The following MAP3K15 variants were observed in gnomAD, a reference collection of about 807,000 sequenced individuals.
The protein encoded by MAP3K15 is MAPK/ERK kinase kinase 15.
Under a neutral mutation model 99.5 loss-of-function variants are expected in MAP3K15, and 124 were observed. The observed-to-expected ratio is 1.25, with a 90% confidence interval of 1.08 to 1.45. MAP3K15 has a LOEUF of 1.45. Ranked by LOEUF, MAP3K15 falls within the 40% of genes most tolerant of loss-of-function variation. The pLI is 0.00. For synonymous variants in MAP3K15, 494 were observed against 439.6 expected (o/e 1.12, Z -1.55); for missense variants, 1,242 against 1,079.7 (o/e 1.15, Z -2.11).
At chrX:19,384,781 C>G (rs1388366528) in intron 18 of MAP3K15, among the ~76,000 whole-genome samples, 1 of 61,696 alleles carries the variant, frequency 1.6e-5, no homozygotes, top group African/African-American at 5.4e-5. Flanking sequence ...AAAAAAAAAA[C>G]TGTACATTTT....
rs753516995 is a variant in MAP3K15, at chrX:19,361,339, C to T, written c.3857G>A (p.Arg1286Gln). Reference protein sequence around the residue: ...TKEDLRYLRLRGGLLCRLWSA... With the variant: ...TKEDLRYLRLQGGLLCRLWSA... Reference sequence around the variant, plus strand: ...ATACAAACTGTTTTGAGGCTCTTACCGTAGTCGAAGGTATCTTAGATCTTC... The same window carrying T: ...ATACAAACTGTTTTGAGGCTCTTACTGTAGTCGAAGGTATCTTAGATCTTC... The change falls in exon 28 of 29, where the codon CGG (arginine) becomes CAG (glutamine). Residue 1286 changes from arginine to glutamine, a missense_variant and splice_region_variant. Arg to Gln is a conservative substitution (Grantham distance 43). Coordinates refer to ENST00000338883, the MANE Select transcript of MAP3K15 (RefSeq NM_001001671.4). The T allele has an allele frequency of 2.9e-5, 35 of 1,196,087 alleles. No individual in the cohort carries two copies. In the South Asian group the frequency reaches 6.1e-4, roughly 21 times the overall value.
chrX:19,474,334 C>T (rs916122136), intron 3 of MAP3K15, among the ~76,000 whole-genome samples: 1 of 110,961 alleles, frequency 9.0e-6, no homozygotes, highest in African/African-American at 3.3e-5. Context: ...CAGCTCCATC[C>T]CATCCTAAAT....
intron 6 of MAP3K15, among the ~76,000 whole-genome samples, chrX:19,449,520 G>T (rs1312791815): frequency 9.2e-6 from 1 of 108,658 alleles, no homozygotes; most frequent in Non-Finnish European, 1.9e-5. Flanking sequence ...TGTTACATTG[G>T]GTGAGGTGCG....
At chrX:19,500,202 G>A (rs923256640) in intron 1 of MAP3K15, among the ~76,000 whole-genome samples, 10 of 111,675 alleles carry the variant, frequency 9.0e-5, no homozygotes, top group Admixed American at 2.9e-4. Context: ...AGCCGAGATC[G>A]CGCCACTGCA....
chrX:19,441,795 A>T (rs1395177058), intron 6 of MAP3K15, among the ~76,000 whole-genome samples: 2 of 111,688 alleles, frequency 1.8e-5, no homozygotes, highest in African/African-American at 6.5e-5. Flanking sequence ...ATTACATCTC[A>T]GCAAAGCTGT....
chrX:19,400,313 A>C (rs1269845314), intron 14 of MAP3K15, among the ~76,000 whole-genome samples: 2 of 112,078 alleles, frequency 1.8e-5, no homozygotes, highest in Non-Finnish European at 3.8e-5. Flanking sequence ...CCTAGAGAAA[A>C]CTTTCATAGG....
rs6633243 is a variant in MAP3K15 at position 19,384,974 on chromosome X, G to A, written c.2432-4697C>T. Among the ~76,000 whole-genome samples the A allele has an allele frequency of 4.5e-5, 5 of 110,739 alleles. No homozygotes were observed. In the East Asian group the frequency reaches 8.5e-4, roughly 19 times the overall value. On this transcript the variant is annotated intron_variant, in intron 18 of 28. Coordinates refer to ENST00000338883, the MANE Select transcript of MAP3K15 (RefSeq NM_001001671.4). ...CACAAAAGTTAAAAATAAATTTGCA[G>A]ATTTTTAAAAATATGGAGCCATGGT... is the stretch of plus-strand genomic sequence containing the variant.
At chrX:19,437,673 T>A (rs971013412) in intron 6 of MAP3K15, among the ~76,000 whole-genome samples, 2 of 112,015 alleles carry the variant, frequency 1.8e-5, no homozygotes, top group African/African-American at 6.5e-5. Context: ...ACATTTAGGT[T>A]TTTTTTATTC....
chrX:19,457,015 T>C lies in MAP3K15; in HGVS notation c.893A>G (p.Tyr298Cys), dbSNP rs1375430459. 1 of 1,186,733 alleles carries C rather than the reference T, an allele frequency of 8.4e-7. No homozygotes were observed. Among genetic ancestry groups the C allele is most frequent in the Non-Finnish European group, 1.1e-6 (1 of 883,493 alleles). The change falls in exon 6 of 29, where the codon TAT becomes TGT. Residue 298 changes from tyrosine to cysteine, a missense_variant. Coordinates refer to ENST00000338883, the MANE Select transcript of MAP3K15 (RefSeq NM_001001671.4). ...TTCCACCAGCTTCACCATCGCATCA[T>C]AGTCCTGTTGGCAAGAGGTCCCAAA... ...LLLSYRDIQDYDAMVKLVETL... is the reference protein window; with the variant it reads ...LLLSYRDIQDCDAMVKLVETL...
At position 19,515,293 on chromosome X, in the gene MAP3K15, G is replaced by C. The variant is rs773207915; in HGVS notation, c.-32C>G. ...GCCTGCGCGCCCTTCCCCTGGGCGA[G>C]TGGCCAGCGGCTGCGATCCGCTAGG... On this transcript the variant is annotated 5_prime_UTR_variant, in exon 1 of 29. Coordinates refer to ENST00000338883, the MANE Select transcript of MAP3K15 (RefSeq NM_001001671.4). The C allele has an allele frequency of 6.4e-5, 55 of 853,127 alleles. No individual in the cohort carries two copies. The highest frequency in any genetic ancestry group is 7.4e-5 in the Non-Finnish European group (52 of 699,011). The allele number at this position is 853,127 out of a possible 1,213,427, so 70.3% of individuals were successfully genotyped here.
In MAP3K15 at chrX:19,360,500, G is replaced by C. The variant is rs1166103538; in HGVS notation, c.*249C>G. The C allele has an allele frequency of 1.0e-5, 3 of 286,811 alleles. No homozygotes were observed. The highest frequency in any genetic ancestry group is 1.7e-4 in the East Asian group (2 of 12,104). The allele number at this position is 286,811 out of a possible 1,213,427, so 23.6% of individuals were successfully genotyped here. Reference sequence around the variant, plus strand: ...CTCCTGCATAGCTGGGACTACAAGTGAATTTCCTAATATTCCGGGAGGTCA... The same window carrying C: ...CTCCTGCATAGCTGGGACTACAAGTCAATTTCCTAATATTCCGGGAGGTCA... On this transcript the variant is annotated 3_prime_UTR_variant, in exon 29 of 29. Coordinates refer to ENST00000338883, the MANE Select transcript of MAP3K15 (RefSeq NM_001001671.4).
chrX:19,511,011 C>T (rs1231507575), intron 1 of MAP3K15, among the ~76,000 whole-genome samples: 3 of 111,369 alleles, frequency 2.7e-5, no homozygotes, highest in African/African-American at 3.3e-5. Context: ...TCAGAAATAA[C>T]GCCACACATC....
Position 19,415,105 on chromosome X carries a change from A to G in MAP3K15, c.1590+2T>C, listed in dbSNP as rs766803276. The stretch of plus-strand genomic sequence containing the variant: ...AAAAAAAATGGATTTAGCATATCTT[A>G]CTGGAAATCTGAGTCCATTAGTGAC... On this transcript the variant is annotated splice_donor_variant, in intron 10 of 28. Transcript: ENST00000338883. LOFTEE classifies it high-confidence loss of function. 8.7e-7 allele frequency: 1 copy of G among 1,147,600 alleles called. No individual in the cohort carries two copies. The highest frequency in any genetic ancestry group is 1.1e-6 in the Non-Finnish European group (1 of 870,924). 94.6% of individuals were successfully genotyped at this position (1,147,600 alleles called of 1,213,427 possible). A position where few individuals can be genotyped will look rare whatever the true frequency, so the allele number is the denominator to read the frequency against.
intron 16 of MAP3K15, 83 bp from the exon 17 acceptor site, chrX:19,392,556 T>A: frequency 1.0e-6 from 1 of 975,903 alleles, no homozygotes; most frequent in Non-Finnish European, 1.4e-6. Context: ...GTGAGGTTTC[T>A]AACCTAACCT....
rs940837548 is a variant in MAP3K15 at position 19,464,413 on chromosome X, A to G, written c.526-7T>C. The G allele has an allele frequency of 8.6e-7, 1 of 1,168,297 alleles. No individual in the cohort carries two copies. The highest frequency in any genetic ancestry group is 1.7e-5 in the African/African-American group (1 of 57,418). ...AATAATTTCCACTGGATGCCTGGAA[A>G]AAAGAAACAAAGATGTTCCAGAAAG... On this transcript the variant is annotated splice_region_variant and splice_polypyrimidine_tract_variant and intron_variant, in intron 3 of 28. Transcript: ENST00000338883.
intron 10 of MAP3K15, among the ~76,000 whole-genome samples, chrX:19,413,795 G>A (rs1269394105): frequency 9.5e-6 from 1 of 104,937 alleles, no homozygotes; most frequent in Non-Finnish European, 2.0e-5. Flanking sequence ...GGGTGAGGAG[G>A]AGGAGAGTGG....
chrX:19,496,918 T>C (rs1489017321), intron 1 of MAP3K15: 2 of 111,240 alleles, frequency 1.8e-5, no homozygotes, highest in East Asian at 5.7e-4. Flanking sequence ...CCATAGCCTG[T>C]GGGAGTGGTG....
At chrX:19,410,048 G>T (rs1366347232) in intron 11 of MAP3K15, 75 bp from the exon 12 acceptor site, 78 of 906,120 alleles carry the variant, frequency 8.6e-5, no homozygotes, top group Non-Finnish European at 1.0e-4. Context: ...TCATTCTATG[G>T]TCAATCATTT....
intron 6 of MAP3K15, among the ~76,000 whole-genome samples, chrX:19,448,143 T>C (rs1054757188): frequency 9.3e-6 from 1 of 108,079 alleles, no homozygotes; most frequent in Non-Finnish European, 1.9e-5. Flanking sequence ...TAGTGTCTCC[T>C]GAACTTCCAG....
Sources: gnomAD v4.1 joint callset for allele counts (sites outside exome capture counted in the v4.1 genomes callset) on GRCh38, gnomAD v4.1.1 for gene constraint, MANE v1.5 for transcripts, NCBI Gene and HGNC (gene_info 2026-07-23, HGNC 2026-07-21) for gene names.